Variants in CDH13 observed in about 807,000 individuals in gnomAD.
The protein encoded by CDH13 is cadherin-13.
CDH13 carries 24 observed loss-of-function variants against 63.8 expected under a neutral mutation model. The ratio of observed to expected loss-of-function variants is 0.38; its 90% CI spans 0.27 to 0.53. The LOEUF (loss-of-function observed/expected upper bound fraction) is 0.53. Among genes scored for constraint, CDH13 ranks in the 20% least tolerant of loss-of-function variants. The pLI is 0.85. For synonymous variants in CDH13, 503 were observed against 355.3 expected (o/e 1.42, Z -4.67); for missense variants, 1,049 against 903.1 (o/e 1.16, Z -2.07).
chr16:83,484,109 C>G (rs1273844237), intron 6 of CDH13, among the ~76,000 whole-genome samples: 1 of 152,134 alleles, frequency 6.6e-6, no homozygotes, highest in Non-Finnish European at 1.5e-5. Flanking sequence ...TCAATCCAAC[C>G]TTGAGGGTGG....
chr16:82,856,342 T>C (rs1206653907), intron 1 of CDH13, among the ~76,000 whole-genome samples: 3 of 140,712 alleles, frequency 2.1e-5, no homozygotes, highest in Non-Finnish European at 1.5e-5. Flanking sequence ...GCCACTGCAC[T>C]CCAGCCTGGG....
At chr16:82,712,606 C>G (rs535678977) in intron 1 of CDH13, among the ~76,000 whole-genome samples, 1 of 152,188 alleles carries the variant, frequency 6.6e-6, no homozygotes, top group Non-Finnish European at 1.5e-5. Flanking sequence ...CTACAAAATG[C>G]AGCAGTAAAG....
chr16:82,995,451 A>G (rs1302324852), intron 2 of CDH13, among the ~76,000 whole-genome samples: 7 of 152,128 alleles, frequency 4.6e-5, no homozygotes, highest in Non-Finnish European at 1.0e-4. Flanking sequence ...TTCAGCTGAA[A>G]CGCAAACGTG....
At chr16:82,965,224 T>C (rs954951801) in intron 2 of CDH13, among the ~76,000 whole-genome samples, 2 of 152,166 alleles carry the variant, frequency 1.3e-5, no homozygotes, top group African/African-American at 2.4e-5. Context: ...ACTCCTTGTC[T>C]TTTTACTAAT....
chr16:82,809,995 G>T (rs1301200565), intron 1 of CDH13, among the ~76,000 whole-genome samples: 1 of 152,118 alleles, frequency 6.6e-6, no homozygotes, highest in Non-Finnish European at 1.5e-5. Context: ...ATCTATTAAG[G>T]GCAATGTCCC....
At chr16:82,837,352 T>C (rs2038811763) in intron 1 of CDH13, among the ~76,000 whole-genome samples, 1 of 152,148 alleles carries the variant, frequency 6.6e-6, no homozygotes, top group Admixed American at 6.5e-5. Context: ...CCCTGGTTTC[T>C]GGCACAGAAC....
At chr16:82,723,933 G>T (rs1272434288) in intron 1 of CDH13, among the ~76,000 whole-genome samples, 1 of 152,040 alleles carries the variant, frequency 6.6e-6, no homozygotes, top group Non-Finnish European at 1.5e-5. Flanking sequence ...CTCCTTGCAG[G>T]CAATAACAGA....
intron 3 of CDH13, among the ~76,000 whole-genome samples, chr16:83,069,591 G>A (rs1456126698): frequency 6.6e-6 from 1 of 152,110 alleles, no homozygotes; most frequent in African/African-American, 2.4e-5. Flanking sequence ...TTCAAACTCA[G>A]GAAATGTGTT....
chr16:82,661,649 C>G lies in CDH13; in HGVS notation c.45+34512C>G, dbSNP rs369299419. Among the ~76,000 whole-genome samples the G allele has an allele frequency of 1.1e-4, 17 of 152,338 alleles. No homozygotes were observed. The East Asian group carries it at 2.5e-3, about 22-fold the overall frequency. ...TGGATGCTGGATGCATATGGAGGTT[C>G]CATGCCTTAAGGCTAGCTTACAAAT... On this transcript the variant is annotated intron_variant, in intron 1 of 13. Transcript: ENST00000567109.
intron 8 of CDH13, among the ~76,000 whole-genome samples, chr16:83,605,234 G>C (rs1306600564): frequency 6.6e-6 from 1 of 152,212 alleles, no homozygotes; most frequent in African/African-American, 2.4e-5. Flanking sequence ...TAAGTAATCA[G>C]ATGAAAGGAA....
At chr16:83,619,930 C>T (rs1909651610) in intron 8 of CDH13, among the ~76,000 whole-genome samples, 1 of 152,078 alleles carries the variant, frequency 6.6e-6, no homozygotes, top group African/African-American at 2.4e-5. Flanking sequence ...CTGGGAAGGG[C>T]ATGTCTGGCA....
intron 6 of CDH13, among the ~76,000 whole-genome samples, chr16:83,445,624 G>C (rs999533281): frequency 6.6e-6 from 1 of 152,160 alleles, no homozygotes. Context: ...CATTTTGTTA[G>C]CGATAAAGAC....
intron 4 of CDH13, among the ~76,000 whole-genome samples, chr16:83,179,287 T>A (rs908126148): frequency 2.0e-5 from 3 of 152,020 alleles, no homozygotes; most frequent in African/African-American, 7.3e-5. Context: ...CACTACAAGC[T>A]ATTATCTCCT....
At chr16:83,158,740 C>T (rs574229286) in intron 4 of CDH13, among the ~76,000 whole-genome samples, 1 of 152,344 alleles carries the variant, frequency 6.6e-6, no homozygotes, top group South Asian at 2.1e-4. Context: ...AGCTGGGTCG[C>T]ACCCTTGCTC....
At chr16:83,472,534 C>G (rs1201064785) in intron 6 of CDH13, among the ~76,000 whole-genome samples, 5 of 152,156 alleles carry the variant, frequency 3.3e-5, no homozygotes, top group Admixed American at 2.6e-4. Context: ...AGGGGCGGGA[C>G]TCACAACCCC....
At chr16:83,761,214 C>G (rs1913940379) in intron 11 of CDH13, among the ~76,000 whole-genome samples, 1 of 152,130 alleles carries the variant, frequency 6.6e-6, no homozygotes, top group Non-Finnish European at 1.5e-5. Context: ...GCCCTTTGGA[C>G]CTATTTGCTT....
At chr16:83,442,057 A>C (rs1320881463) in intron 6 of CDH13, among the ~76,000 whole-genome samples, 1 of 152,120 alleles carries the variant, frequency 6.6e-6, no homozygotes, top group Non-Finnish European at 1.5e-5. Context: ...CAAGCAAAAT[A>C]GCCATGCCTG....
chr16:82,806,300 C>A (rs553212789), intron 1 of CDH13, among the ~76,000 whole-genome samples: 17 of 152,284 alleles, frequency 1.1e-4, no homozygotes, highest in Non-Finnish European at 2.2e-4. Flanking sequence ...CTTTCCAGCC[C>A]AGGGAGTCTT....
At chr16:83,534,238 G>T (rs904460560) in intron 7 of CDH13, among the ~76,000 whole-genome samples, 1 of 152,146 alleles carries the variant, frequency 6.6e-6, no homozygotes, top group African/African-American at 2.4e-5. Context: ...TTAGGAAGGT[G>T]GTCTGTTCAT....
Sources: gnomAD v4.1 joint callset for allele counts (sites outside exome capture counted in the v4.1 genomes callset) on GRCh38, gnomAD v4.1.1 for gene constraint, MANE v1.5 for transcripts, NCBI Gene and HGNC (gene_info 2026-07-23, HGNC 2026-07-21) for gene names.